Variants in ROBO1 observed in about 807,000 individuals in gnomAD.
The protein encoded by ROBO1 is roundabout guidance receptor 1, also known as roundabout homolog 1.
In ROBO1, 149 loss-of-function variants were observed where a neutral mutation model predicts 195.9. The ratio of observed to expected loss-of-function variants is 0.76; its 90% CI spans 0.67 to 0.87. The LOEUF is 0.87. Ranked by LOEUF, ROBO1 falls within the 40% of genes least tolerant of loss-of-function variation. ROBO1 has a pLI of 0.00. For missense variants in ROBO1, 1,933 were observed against 2,068.3 expected (o/e 0.93, Z 1.27); for synonymous variants, 816 against 733.2 (o/e 1.11, Z -1.82).
intron 5 of ROBO1, among the ~76,000 whole-genome samples, chr3:78,733,787 T>C (rs1347115492): frequency 3.3e-5 from 5 of 152,124 alleles, no homozygotes; most frequent in African/African-American, 1.2e-4. Flanking sequence ...TCCTTGGCTA[T>C]TGGGAGAAAT....
intron 4 of ROBO1, among the ~76,000 whole-genome samples, chr3:78,752,756 A>C (rs2082829293): frequency 6.6e-6 from 1 of 152,200 alleles, no homozygotes; most frequent in African/African-American, 2.4e-5. Flanking sequence ...TCTAAAGCTA[A>C]GGAATTTGTT....
chr3:79,502,402 C>G (rs947036847), intron 2 of ROBO1, among the ~76,000 whole-genome samples: 6 of 152,190 alleles, frequency 3.9e-5, no homozygotes, highest in African/African-American at 1.4e-4. Context: ...CCTGGGCCAG[C>G]AGCTGCTGTA....
intron 4 of ROBO1, among the ~76,000 whole-genome samples, chr3:78,933,960 G>C (rs2039666623): frequency 6.6e-6 from 1 of 151,756 alleles, no homozygotes; most frequent in Non-Finnish European, 1.5e-5. Context: ...TACTTAATCA[G>C]AAATTAATTT....
intron 2 of ROBO1, among the ~76,000 whole-genome samples, chr3:79,467,987 C>G (rs1938061816): frequency 6.6e-6 from 1 of 152,202 alleles, no homozygotes; most frequent in African/African-American, 2.4e-5. Flanking sequence ...CCAGCACAAA[C>G]AGCCAAAGGG....
At chr3:78,727,128 T>G (rs780062373) in intron 5 of ROBO1, among the ~76,000 whole-genome samples, 8 of 152,128 alleles carry the variant, frequency 5.3e-5, no homozygotes, top group Non-Finnish European at 1.2e-4. Flanking sequence ...ACATTGCTAG[T>G]ACCATAATTA....
At chr3:79,428,406 C>T (rs986494850) in intron 2 of ROBO1, among the ~76,000 whole-genome samples, 1 of 152,062 alleles carries the variant, frequency 6.6e-6, no homozygotes, top group African/African-American at 2.4e-5. Flanking sequence ...GTGCTTAGCA[C>T]AGTGCCTGTG....
chr3:79,466,086 C>T (rs1937942518), intron 2 of ROBO1, among the ~76,000 whole-genome samples: 1 of 151,644 alleles, frequency 6.6e-6, no homozygotes, highest in Admixed American at 6.6e-5. Context: ...CCCAAACCTC[C>T]CTGAAATTGA....
intron 3 of ROBO1, among the ~76,000 whole-genome samples, chr3:79,101,696 C>G (rs1189848058): frequency 6.6e-6 from 1 of 151,840 alleles, no homozygotes; most frequent in Non-Finnish European, 1.5e-5. Flanking sequence ...AGTTGGATAG[C>G]TATAAATAGT....
intron 1 of ROBO1, among the ~76,000 whole-genome samples, chr3:79,687,519 A>G (rs1022377426): frequency 6.6e-6 from 1 of 152,166 alleles, no homozygotes; most frequent in Non-Finnish European, 1.5e-5. Flanking sequence ...ACTCAAACAA[A>G]TTTACAAGAA....
chr3:78,862,878 A>G (rs2034936380), intron 4 of ROBO1, among the ~76,000 whole-genome samples: 1 of 152,114 alleles, frequency 6.6e-6, no homozygotes, highest in South Asian at 2.1e-4. Context: ...ATTTCCCTAA[A>G]TTCCCCTCCA....
At chr3:78,868,452 T>C (rs774743446) in intron 4 of ROBO1, among the ~76,000 whole-genome samples, 2 of 152,120 alleles carry the variant, frequency 1.3e-5, no homozygotes, top group Non-Finnish European at 2.9e-5. Context: ...ATAAATTTAA[T>C]ATGTGTTTAA....
intron 4 of ROBO1, among the ~76,000 whole-genome samples, chr3:78,799,592 T>C (rs11927341): frequency 0.011 from 1,660 of 151,044 alleles, 19 homozygotes; most frequent in African/African-American, 0.037. Flanking sequence ...CCACCCACCT[T>C]GGCCTCCCAA....
rs1260282085 is a variant in ROBO1 at position 79,589,960 on chromosome 3, A to G, written c.-49T>C. The G allele has an allele frequency of 2.4e-6, 3 of 1,247,858 alleles. No homozygotes were observed. In the African/African-American group the frequency reaches 4.5e-5, roughly 19 times the overall value. 77.3% of individuals were successfully genotyped at this position (1,247,858 alleles called of 1,614,324 possible). On this transcript the variant is annotated splice_region_variant and 5_prime_UTR_variant, in exon 2 of 31. An upstream open reading frame in the 5' UTR loses its in-frame stop. Transcript: ENST00000464233. Reference sequence around the variant, plus strand: ...ACCAGCCAGTGACAGACAATGTGTTATCTGGGGAGATTAAAAAAATATTAT... The same window carrying G: ...ACCAGCCAGTGACAGACAATGTGTTGTCTGGGGAGATTAAAAAAATATTAT...
At chr3:79,725,524 C>A (rs1448930096) in intron 1 of ROBO1, among the ~76,000 whole-genome samples, 1 of 152,174 alleles carries the variant, frequency 6.6e-6, no homozygotes, top group Non-Finnish European at 1.5e-5. Flanking sequence ...CCGCGCCCGG[C>A]CCTCTCTTCT....
chr3:79,558,438 A>G (rs1942791583), intron 2 of ROBO1, among the ~76,000 whole-genome samples: 1 of 152,216 alleles, frequency 6.6e-6, no homozygotes, highest in Non-Finnish European at 1.5e-5. Context: ...CTTATACAAA[A>G]TATGTATGAA....
intron 2 of ROBO1, among the ~76,000 whole-genome samples, chr3:79,341,912 A>C (rs895478687): frequency 6.6e-6 from 1 of 152,174 alleles, no homozygotes; most frequent in East Asian, 1.9e-4. Flanking sequence ...TTATTCAAAC[A>C]CTACAATGAG....
intron 2 of ROBO1, among the ~76,000 whole-genome samples, chr3:79,326,028 C>T (rs1271948410): frequency 1.3e-5 from 2 of 152,072 alleles, no homozygotes; most frequent in Non-Finnish European, 2.9e-5. Context: ...ATGGTCGAGG[C>T]TGTAGGGGTG....
chr3:79,214,389 A>G (rs1200730224), intron 2 of ROBO1, among the ~76,000 whole-genome samples: 1 of 152,144 alleles, frequency 6.6e-6, no homozygotes, highest in African/African-American at 2.4e-5. Context: ...CCTAAGGGCT[A>G]AAGGTGGAAT....
Position 79,464,960 on chromosome 3 carries a change from T to C in ROBO1, c.88+124864A>G, listed in dbSNP as rs543460571. Among the ~76,000 whole-genome samples the C allele has an allele frequency of 2.6e-3, 389 of 152,246 alleles. 2 individuals are homozygous for C. Among genetic ancestry groups the C allele is most frequent in the African/African-American group, 8.0e-3 (334 of 41,540 alleles). ...ATAGACTCATGGCACCTCCTCGGGATTAGAAAGCAAAGAGGAGAGAGGGCC... is the reference window on the plus strand; with the variant it reads ...ATAGACTCATGGCACCTCCTCGGGACTAGAAAGCAAAGAGGAGAGAGGGCC... On this transcript the variant is annotated intron_variant, in intron 2 of 30. Coordinates refer to ENST00000464233, the MANE Select transcript of ROBO1 (RefSeq NM_002941.4).
Sources: gnomAD v4.1 joint callset for allele counts (sites outside exome capture counted in the v4.1 genomes callset) on GRCh38, gnomAD v4.1.1 for gene constraint, MANE v1.5 for transcripts, NCBI Gene and HGNC (gene_info 2026-07-23, HGNC 2026-07-21) for gene names.